Variants in MCU observed in about 807,000 individuals in gnomAD.
MCU encodes calcium uniporter protein, mitochondrial.
Under a neutral mutation model 45.2 loss-of-function variants are expected in MCU, and 12 were observed. The ratio of observed to expected loss-of-function variants is 0.27; its 90% confidence interval spans 0.17 to 0.43. The LOEUF (loss-of-function observed/expected upper bound fraction) is 0.43. MCU is among the 20% of genes least tolerant of loss of function. The pLI, the probability that MCU is intolerant of heterozygous loss-of-function variation, is 1.00. For missense variants in MCU, 324 were observed against 436.7 expected (o/e 0.74, Z 2.30); for synonymous variants, 160 against 165.1 (o/e 0.97, Z 0.24).
At chr10:72,842,146 C>T (rs750676384) in intron 2 of MCU, among the ~76,000 whole-genome samples, 3 of 152,098 alleles carry the variant, frequency 2.0e-5, no homozygotes, top group Admixed American at 6.5e-5. Context: ...GGCGTGGTGG[C>T]GCACACCTGT....
chr10:72,723,304 T>G (rs937799571), intron 1 of MCU, among the ~76,000 whole-genome samples: 7 of 152,234 alleles, frequency 4.6e-5, no homozygotes, highest in Non-Finnish European at 1.0e-4. Context: ...AAACTTAGTT[T>G]TCTGTTCTAT....
intron 1 of MCU, among the ~76,000 whole-genome samples, chr10:72,778,851 C>T (rs1843941537): frequency 6.6e-6 from 1 of 150,642 alleles, no homozygotes; most frequent in South Asian, 2.1e-4. Context: ...TACTGGAAAA[C>T]CGAAAAAAAA....
chr10:72,768,825 A>C (rs878942048), intron 1 of MCU, among the ~76,000 whole-genome samples: 1 of 151,288 alleles, frequency 6.6e-6, no homozygotes, highest in Non-Finnish European at 1.5e-5. Flanking sequence ...CAGGAGTTCT[A>C]TTCCAAGCCG....
intron 1 of MCU, among the ~76,000 whole-genome samples, chr10:72,760,030 A>G (rs1246874242): frequency 1.5e-5 from 2 of 137,194 alleles, no homozygotes; most frequent in East Asian, 3.9e-4. Context: ...ATTATTTTTA[A>G]ATTCTGTAAA....
intron 1 of MCU, among the ~76,000 whole-genome samples, chr10:72,817,753 T>G (rs1395257548): frequency 6.6e-6 from 1 of 152,204 alleles, no homozygotes; most frequent in African/African-American, 2.4e-5. Context: ...CCCAGTTTAG[T>G]TCAACAAGTA....
At chr10:72,772,370 A>C (rs1042492049) in intron 1 of MCU, among the ~76,000 whole-genome samples, 1 of 152,226 alleles carries the variant, frequency 6.6e-6, no homozygotes, top group Non-Finnish European at 1.5e-5. Context: ...GTGACTTAGC[A>C]ATATTGATTC....
intron 1 of MCU, among the ~76,000 whole-genome samples, chr10:72,745,017 G>A (rs902177898): frequency 1.3e-5 from 2 of 151,624 alleles, no homozygotes; most frequent in Non-Finnish European, 2.9e-5. Context: ...TGTATAATAA[G>A]GCCCACAGAT....
intron 2 of MCU, among the ~76,000 whole-genome samples, chr10:72,848,449 G>A (rs997478834): frequency 5.3e-5 from 8 of 152,106 alleles, no homozygotes; most frequent in African/African-American, 1.9e-4. Flanking sequence ...TGAACTCACC[G>A]TTTTTGGGAG....
intron 1 of MCU, among the ~76,000 whole-genome samples, chr10:72,758,453 C>CAG (rs764125590): frequency 6.6e-6 from 1 of 152,156 alleles, no homozygotes; most frequent in Non-Finnish European, 1.5e-5. Flanking sequence ...TATTGGTACA[C>CAG]AGAGAGACGG....
chr10:72,859,416 C>T (rs1845342973), intron 3 of MCU, 69 bp downstream of exon 3: 8 of 1,401,298 alleles, frequency 5.7e-6, no homozygotes, highest in Non-Finnish European at 7.8e-6. Flanking sequence ...TAGACACATA[C>T]ATACACCACA....
At chr10:72,799,466 C>T (rs568091382) in intron 1 of MCU, among the ~76,000 whole-genome samples, 1 of 152,018 alleles carries the variant, frequency 6.6e-6, no homozygotes, top group African/African-American at 2.4e-5. Context: ...TTTGTGTACT[C>T]GTGACAATTT....
At chr10:72,848,943 G>A (rs918051523) in intron 2 of MCU, among the ~76,000 whole-genome samples, 3 of 152,088 alleles carry the variant, frequency 2.0e-5, no homozygotes, top group Non-Finnish European at 4.4e-5. Flanking sequence ...GACTAAAATG[G>A]TGGTAGTGTA....
chr10:72,733,451 T>G (rs1843206906), intron 1 of MCU, among the ~76,000 whole-genome samples: 1 of 152,086 alleles, frequency 6.6e-6, no homozygotes, highest in South Asian at 2.1e-4. Flanking sequence ...GGTGAGAATC[T>G]GTCTCAAAAA....
intron 2 of MCU, among the ~76,000 whole-genome samples, chr10:72,848,042 A>G (rs1845147706): frequency 6.6e-6 from 1 of 152,188 alleles, no homozygotes; most frequent in South Asian, 2.1e-4. Flanking sequence ...GCTGTATCAT[A>G]TTGGTTCTGC....
intron 1 of MCU, among the ~76,000 whole-genome samples, chr10:72,801,156 TG>T (rs925873535): frequency 2.6e-5 from 4 of 152,058 alleles, no homozygotes; most frequent in African/African-American, 9.7e-5. Flanking sequence ...CACTAATTTG[TG>T]GGGGTGGGGA....
At chr10:72,752,321 C>T (rs1381570795) in intron 1 of MCU, among the ~76,000 whole-genome samples, 2 of 151,500 alleles carry the variant, frequency 1.3e-5, no homozygotes, top group Non-Finnish European at 2.9e-5. Context: ...GTCTTGAACT[C>T]CTGGCCTCAA....
chr10:72,875,593 C>A (rs1327247562), intron 6 of MCU, among the ~76,000 whole-genome samples: 2 of 152,210 alleles, frequency 1.3e-5, no homozygotes, highest in Non-Finnish European at 2.9e-5. Context: ...ACCTCTGAAG[C>A]AAATGCCTGT....
intron 4 of MCU, chr10:72,861,719 A>G (rs1375944408): frequency 2.8e-5 from 10 of 360,688 alleles, no homozygotes; most frequent in African/African-American, 7.1e-5. Flanking sequence ...ATGGTTTTGA[A>G]CTCCTGACCT....
chr10:72,757,503 A>G (rs932444501), intron 1 of MCU, among the ~76,000 whole-genome samples: 4 of 152,156 alleles, frequency 2.6e-5, no homozygotes, highest in Non-Finnish European at 4.4e-5. Flanking sequence ...TACTTTTTCT[A>G]AGAGGTGCGA....
Sources: allele counts gnomAD v4.1 joint callset (sites outside exome capture counted in the v4.1 genomes callset), GRCh38; gene constraint gnomAD v4.1.1; transcripts MANE v1.5; gene names NCBI Gene and HGNC (gene_info 2026-07-23, HGNC 2026-07-21).